DYNC2I2: variants seen among roughly 807,000 people sequenced by gnomAD.
The protein encoded by DYNC2I2 is dynein 2 intermediate chain 2, also known as cytoplasmic dynein 2 intermediate chain 2.
DYNC2I2 carries 39 observed loss-of-function variants against 52.0 expected under a neutral mutation model. That is an observed-to-expected ratio of 0.75 (90% CI 0.58 to 0.98). The LOEUF is 0.98. Among genes scored for constraint, DYNC2I2 ranks in the 50% least tolerant of loss-of-function variants. The probability of loss-of-function intolerance (pLI) is 0.00; values close to 1 mark genes in which losing one functional copy is unlikely to be tolerated. For missense variants in DYNC2I2, 743 were observed against 728.4 expected, an observed-to-expected ratio of 1.02 and a Z score of -0.23; for synonymous variants, 359 against 321.1, an observed-to-expected ratio of 1.12 and a Z score of -1.26.
intron 1 of DYNC2I2, among the ~76,000 whole-genome samples, chr9:128,655,335 TAAAAAAAAAAA>T (rs869197100): frequency 2.1e-4 from 4 of 18,692 alleles, no homozygotes; most frequent in Admixed American, 9.5e-4. Context: ...CCGTCTCTAC[TAAAAAAAAAAA>T]AAAAAAAAAA....
chr9:128,659,266 C>T (rs1037815210), upstream of DYNC2I2, among the ~76,000 whole-genome samples: 5 of 151,750 alleles, frequency 3.3e-5, no homozygotes, highest in Non-Finnish European at 4.4e-5. Context: ...GAGGCCGAGG[C>T]GGGCGGATCA....
At chr9:128,666,084 GA>G in the DYNC2I2 span, among the ~76,000 whole-genome samples, 1 of 150,974 alleles carries the variant, frequency 6.6e-6, no homozygotes, top group Non-Finnish European at 1.5e-5. Flanking sequence ...CAAAAAAATA[GA>G]AAAAAAATGT....
At chr9:128,645,106 T>G (rs1002998319) in intron 1 of DYNC2I2, among the ~76,000 whole-genome samples, 3 of 151,848 alleles carry the variant, frequency 2.0e-5, no homozygotes, top group Non-Finnish European at 4.4e-5. Flanking sequence ...ATCCCAGCAC[T>G]TTGGGAGGCC....
At chr9:128,640,165 G>A (rs1353866143) in intron 2 of DYNC2I2, among the ~76,000 whole-genome samples, 1 of 151,938 alleles carries the variant, frequency 6.6e-6, no homozygotes, top group Non-Finnish European at 1.5e-5. Flanking sequence ...CTGCCACTAC[G>A]CCCGGCTAAT....
chr9:128,660,172 G>T (rs1428171204), upstream of DYNC2I2, among the ~76,000 whole-genome samples: 1 of 151,708 alleles, frequency 6.6e-6, no homozygotes. Flanking sequence ...GCAGTGGCAC[G>T]ATCTCGGCTC....
chr9:128,634,731 T>G lies in DYNC2I2; in HGVS notation c.1172A>C (p.His391Pro), dbSNP rs1564338254. The change falls in exon 7 of 9, where the codon CAC (histidine) becomes CCC (proline). Residue 391 changes from histidine (H) to proline (P), a missense_variant. Coordinates refer to ENST00000372715, the MANE Select transcript of DYNC2I2 (RefSeq NM_052844.4). ...RAPAQFTFSP[H>P]GGPIYSVSCS... ...GCTCACAGAGTAGATGGGACCGCCGTGGGGGGAGAAGGTAAACTGTGCTGG... is the reference window on the plus strand; with the variant it reads ...GCTCACAGAGTAGATGGGACCGCCGGGGGGGGAGAAGGTAAACTGTGCTGG... 1 of 1,595,336 alleles carries G rather than the reference T, an allele frequency of 6.3e-7. No individual in the cohort carries two copies. The highest frequency in any genetic ancestry group is 2.3e-5 in the East Asian group (1 of 44,050).
intron 7 of DYNC2I2, 123 bp downstream of exon 7, chr9:128,634,566 C>A (rs1417474353): frequency 2.3e-6 from 3 of 1,287,916 alleles, no homozygotes; most frequent in Non-Finnish European, 3.2e-6. Flanking sequence ...AAGACCTGAA[C>A]ACGGGTCTCA....
At chr9:128,652,547 C>T (rs1419643703) in intron 1 of DYNC2I2, among the ~76,000 whole-genome samples, 2 of 149,824 alleles carry the variant, frequency 1.3e-5, no homozygotes, top group East Asian at 2.0e-4. Context: ...CGCTTGAACC[C>T]GGGAGGTGTA....
chr9:128,660,705 G>A (rs975637734), upstream of DYNC2I2, among the ~76,000 whole-genome samples: 2 of 151,526 alleles, frequency 1.3e-5, no homozygotes, highest in African/African-American at 2.4e-5. Context: ...TGACAAAGCT[G>A]TCTAATTTTA....
chr9:128,633,778 T>C lies in DYNC2I2; in HGVS notation c.1577A>G (p.Asp526Gly). 2 of 1,613,494 alleles carry C rather than the reference T, an allele frequency of 1.2e-6. No homozygotes were observed. The highest frequency in any genetic ancestry group is 1.7e-6 in the Non-Finnish European group (2 of 1,180,028). Residue 526 changes from aspartate (D) to glycine (G), a missense_variant, in exon 9 of 9, where the codon GAC becomes GGC. Coordinates refer to ENST00000372715, the MANE Select transcript of DYNC2I2 (RefSeq NM_052844.4). ...CACCTCTGCTGCCAGGCAGTCCAGG[T>C]CCTCAGCTTCCCGGGGCCCTTGTTC... ...FTEQGPREAE[D>G]LDCLAAEVAA is the part of the protein sequence containing the mutation.
chr9:128,647,473 C>G (rs548397405), intron 1 of DYNC2I2, among the ~76,000 whole-genome samples: 1 of 152,204 alleles, frequency 6.6e-6, no homozygotes, highest in African/African-American at 2.4e-5. Context: ...CTATGGCTCA[C>G]GCCTGCAATC....
At chr9:128,656,166 C>A (rs1322226440) in intron 1 of DYNC2I2, among the ~76,000 whole-genome samples, 1 of 150,484 alleles carries the variant, frequency 6.6e-6, no homozygotes, top group South Asian at 2.1e-4. Flanking sequence ...GCCGAGATCG[C>A]ACCACTGCAC....
chr9:128,650,663 A>G (rs1860703865), intron 1 of DYNC2I2, among the ~76,000 whole-genome samples: 2 of 53,516 alleles, frequency 3.7e-5, no homozygotes, highest in South Asian at 1.2e-3. Context: ...TCAGCCTCCC[A>G]AAGTGCTGGA....
At chr9:128,664,150 C>G in the DYNC2I2 span, among the ~76,000 whole-genome samples, 1 of 151,790 alleles carries the variant, frequency 6.6e-6, no homozygotes, top group African/African-American at 2.4e-5. Context: ...TTAGTAAAAA[C>G]AGGGTTTCAC....
the DYNC2I2 span, chr9:128,683,924 C>T: frequency 2.2e-5 from 34 of 1,554,922 alleles, no homozygotes; most frequent in Non-Finnish European, 2.7e-5. Context: ...TCTCCACTCC[C>T]GCCTCAAAAG....
At chr9:128,674,919 T>C in the DYNC2I2 span, among the ~76,000 whole-genome samples, 1 of 151,750 alleles carries the variant, frequency 6.6e-6, no homozygotes, top group East Asian at 2.0e-4. Flanking sequence ...CAGAGCTCAG[T>C]GTGAGGGGCA....
upstream of DYNC2I2, among the ~76,000 whole-genome samples, chr9:128,661,353 C>T (rs1860916082): frequency 6.8e-6 from 1 of 146,518 alleles, no homozygotes; most frequent in Non-Finnish European, 1.5e-5. Context: ...GGCATGGTGG[C>T]TCACGCCTGT....
the DYNC2I2 span, among the ~76,000 whole-genome samples, chr9:128,681,177 G>C: frequency 6.6e-6 from 1 of 151,390 alleles, no homozygotes; most frequent in South Asian, 2.1e-4. Flanking sequence ...TGCAACCTCA[G>C]CCTCCCGGGT....
chr9:128,641,744 G>A (rs1860517849), intron 1 of DYNC2I2, among the ~76,000 whole-genome samples: 1 of 152,032 alleles, frequency 6.6e-6, no homozygotes, highest in Non-Finnish European at 1.5e-5. Context: ...ATTCGAGCTG[G>A]GCCAGGAGGC....
Sources: allele counts gnomAD v4.1 joint callset (sites outside exome capture counted in the v4.1 genomes callset), GRCh38; gene constraint gnomAD v4.1.1; transcripts MANE v1.5; gene names NCBI Gene and HGNC (gene_info 2026-07-23, HGNC 2026-07-21).